CNTLN: variants seen among roughly 807,000 people sequenced by gnomAD.
CNTLN encodes the protein centlein, also known as centlein, centrosomal protein.
In CNTLN, 212 loss-of-function variants were observed where a neutral mutation model predicts 180.0. The ratio of observed to expected loss-of-function variants is 1.18; its 90% CI spans 1.05 to 1.32. The LOEUF is 1.32. Among genes scored for constraint, CNTLN ranks in the 40% most tolerant of loss-of-function variants. The probability of loss-of-function intolerance (pLI) is 0.00; values close to 1 mark genes in which losing one functional copy is unlikely to be tolerated. For missense variants in CNTLN, 2,095 were observed against 1,610.9 expected (o/e 1.30, Z -5.14); for synonymous variants, 722 against 563.1 (o/e 1.28, Z -3.99).
chr9:17,424,977 C>A (rs114123166), intron 18 of CNTLN, among the ~76,000 whole-genome samples: 1 of 152,066 alleles, frequency 6.6e-6, no homozygotes, highest in Admixed American at 6.6e-5. Flanking sequence ...CAAACTAAGA[C>A]GGATATCACA....
intron 10 of CNTLN, among the ~76,000 whole-genome samples, chr9:17,335,925 C>T (rs1261093189): frequency 7.2e-6 from 1 of 138,504 alleles, no homozygotes; most frequent in South Asian, 2.2e-4. Context: ...GAGTCTGTCT[C>T]AAAAACAAAA....
chr9:17,346,891 C>A lies in CNTLN; in HGVS notation c.1886+4447C>A, dbSNP rs190852076. Among the ~76,000 whole-genome samples, 793 of 152,254 alleles carry A rather than the reference C, an allele frequency of 5.2e-3. 5 individuals carry two copies. The highest frequency in any genetic ancestry group is 8.2e-3 in the Admixed American group (126 of 15,302). Reference sequence around the variant, plus strand: ...GATTGTCCTACAGGTCACTGAGGGTCTCTTCAATTTATTTTTCAGCCTTTC... The same window carrying A: ...GATTGTCCTACAGGTCACTGAGGGTATCTTCAATTTATTTTTCAGCCTTTC... On this transcript the variant is annotated intron_variant, in intron 12 of 25. Coordinates refer to ENST00000380647, the MANE Select transcript of CNTLN (RefSeq NM_017738.4).
chr9:17,255,299 T>G (rs1201911377), intron 5 of CNTLN, among the ~76,000 whole-genome samples: 1 of 151,790 alleles, frequency 6.6e-6, no homozygotes, highest in Non-Finnish European at 1.5e-5. Flanking sequence ...CTTTCACTAT[T>G]GAGTATGATG....
At chr9:17,302,202 C>CTTTT (rs57095710) in intron 7 of CNTLN, among the ~76,000 whole-genome samples, 1 of 143,392 alleles carries the variant, frequency 7.0e-6, no homozygotes, top group African/African-American at 2.6e-5. Context: ...ATGCAATTCA[C>CTTTT]TTTTTTTTTT....
chr9:17,358,431 A>G (rs1431543291), intron 12 of CNTLN, among the ~76,000 whole-genome samples: 1 of 152,128 alleles, frequency 6.6e-6, no homozygotes, highest in Non-Finnish European at 1.5e-5. Context: ...AAATGATACT[A>G]TATATTTTTG....
chr9:17,348,666 G>A (rs975508514), intron 12 of CNTLN, among the ~76,000 whole-genome samples: 1 of 151,998 alleles, frequency 6.6e-6, no homozygotes, highest in African/African-American at 2.4e-5. Flanking sequence ...TAGTAGCTGG[G>A]ATTATAGGCA....
At chr9:17,494,767 C>T (rs566423357) in intron 25 of CNTLN, 1 of 319,100 alleles carries the variant, frequency 3.1e-6, no homozygotes, top group South Asian at 2.5e-5. Flanking sequence ...AACAAACCTG[C>T]TGTGCTGCCA....
intron 18 of CNTLN, 49 bp downstream of exon 18, chr9:17,416,238 G>A: frequency 7.0e-7 from 1 of 1,438,648 alleles, no homozygotes; most frequent in African/African-American, 1.4e-5. Context: ...TTGTAAAAGT[G>A]GATATTTTGT....
intron 18 of CNTLN, among the ~76,000 whole-genome samples, chr9:17,453,297 AG>A (rs1406177384): frequency 6.6e-6 from 1 of 152,182 alleles, no homozygotes; most frequent in Admixed American, 6.5e-5. Context: ...TGGGCAATAG[AG>A]CAAGACCTCA....
chr9:17,361,393 A>G (rs1427538464), intron 12 of CNTLN, among the ~76,000 whole-genome samples: 1 of 152,116 alleles, frequency 6.6e-6, no homozygotes, highest in Non-Finnish European at 1.5e-5. Context: ...TCTGATGTTC[A>G]ACTAAGATTC....
At chr9:17,368,460 C>T (rs4961437) in intron 13 of CNTLN, among the ~76,000 whole-genome samples, 83,168 of 152,064 alleles carry the variant, frequency 0.55, 23,476 homozygotes, top group East Asian at 0.73. Context: ...TGACTGGCTT[C>T]ACAGTCTGCT....
At chr9:17,201,799 AT>A (rs976094652) in intron 2 of CNTLN, among the ~76,000 whole-genome samples, 5 of 150,740 alleles carry the variant, frequency 3.3e-5, no homozygotes, top group South Asian at 4.2e-4. Flanking sequence ...GGATTCATTG[AT>A]TTTTTTTTAA....
At chr9:17,409,498 T>G in intron 16 of CNTLN, 25 bp downstream of exon 16, 1 of 1,516,192 alleles carries the variant, frequency 6.6e-7, no homozygotes, top group South Asian at 1.3e-5. Context: ...TTTGCTTAAT[T>G]GTATGCTATG....
intron 5 of CNTLN, among the ~76,000 whole-genome samples, chr9:17,257,207 A>G (rs999761574): frequency 2.6e-5 from 4 of 151,148 alleles, no homozygotes; most frequent in South Asian, 2.1e-4. Context: ...ATTCCCACCT[A>G]TGAGTGAGAA....
chr9:17,260,947 A>G (rs911145549), intron 5 of CNTLN, among the ~76,000 whole-genome samples: 2 of 151,148 alleles, frequency 1.3e-5, no homozygotes, highest in African/African-American at 2.5e-5. Flanking sequence ...TCCCCATTTC[A>G]TGTTTTTGTC....
rs1476035113 is a variant in CNTLN at position 17,360,737 on chromosome 9, G to GTTTTTT, written c.1887-5879_1887-5878insTTTTTT. ...TTGGGATTTTGCAGACGTCCTTCTG[G>GTTTTTT]TATTTATTTTTAATTTTATTATTCT... On this transcript the variant is annotated intron_variant, in intron 12 of 25. Coordinates refer to ENST00000380647, the MANE Select transcript of CNTLN (RefSeq NM_017738.4). 7.9e-5 allele frequency among the ~76,000 whole-genome samples: 12 copies of GTTTTTT among 152,190 alleles called. No homozygotes were observed. In the East Asian group the frequency reaches 1.7e-3, roughly 22 times the overall value.
chr9:17,144,468 A>G (rs1818310709), intron 2 of CNTLN, among the ~76,000 whole-genome samples: 7 of 151,950 alleles, frequency 4.6e-5, no homozygotes, highest in Admixed American at 4.6e-4. Flanking sequence ...TTCAATTGTC[A>G]TTTCCGTGAT....
intron 2 of CNTLN, among the ~76,000 whole-genome samples, chr9:17,206,413 T>G (rs1030923924): frequency 3.3e-5 from 5 of 152,192 alleles, no homozygotes; most frequent in Non-Finnish European, 7.3e-5. Context: ...CGGATGACAT[T>G]AAATACGCTT....
chr9:17,143,256 A>T, intron 1 of CNTLN, 32 bp from the exon 2 acceptor site: 1 of 1,463,384 alleles, frequency 6.8e-7, no homozygotes, highest in Non-Finnish European at 9.5e-7. Context: ...ACTACAAAGC[A>T]ATGCATCTAA....
Sources: allele counts gnomAD v4.1 joint callset (sites outside exome capture counted in the v4.1 genomes callset), GRCh38; gene constraint gnomAD v4.1.1; transcripts MANE v1.5; gene names NCBI Gene and HGNC (gene_info 2026-07-23, HGNC 2026-07-21).